SLC7A7: variants seen among roughly 807,000 people sequenced by gnomAD.
SLC7A7 encodes the protein Y+L amino acid transporter 1.
In SLC7A7, 39 loss-of-function variants were observed where a neutral mutation model predicts 47.9. That is an observed-to-expected ratio of 0.81 (90% CI 0.63 to 1.06). The LOEUF (loss-of-function observed/expected upper bound fraction) is 1.06. SLC7A7 is among the 50% of genes least tolerant of loss of function. The pLI, the probability that SLC7A7 is intolerant of heterozygous loss-of-function variation, is 0.00. For synonymous variants in SLC7A7, 234 were observed against 242.8 expected (o/e 0.96, Z 0.34); for missense variants, 588 against 632.0 (o/e 0.93, Z 0.75).
At chr14:22,809,188 T>TTTGTC (rs1197832348) in intron 2 of SLC7A7, among the ~76,000 whole-genome samples, 1 of 152,170 alleles carries the variant, frequency 6.6e-6, no homozygotes, top group Non-Finnish European at 1.5e-5. Flanking sequence ...TTTGTTTTGT[T>TTTGTC]TTGTCTTTTG....
At chr14:22,797,449 C>A (rs2039038599) in intron 2 of SLC7A7, among the ~76,000 whole-genome samples, 1 of 152,188 alleles carries the variant, frequency 6.6e-6, no homozygotes, top group Admixed American at 6.6e-5. Context: ...ATTGAGTACC[C>A]ACTGTGTTCC....
At chr14:22,812,639 TAAAAAAAA>T (rs10566770) in intron 2 of SLC7A7, among the ~76,000 whole-genome samples, 1 of 139,126 alleles carries the variant, frequency 7.2e-6, no homozygotes, top group East Asian at 2.0e-4. Flanking sequence ...CCTGTCTCTT[TAAAAAAAA>T]AAAAAAAAAA....
At chr14:22,811,677 C>T (rs1445684814) in intron 2 of SLC7A7, among the ~76,000 whole-genome samples, 1 of 151,928 alleles carries the variant, frequency 6.6e-6, no homozygotes, top group Non-Finnish European at 1.5e-5. Context: ...CAGTGAAACC[C>T]CGTCTCCACC....
intron 2 of SLC7A7, among the ~76,000 whole-genome samples, chr14:22,801,851 C>G (rs1048752204): frequency 2.6e-5 from 4 of 152,340 alleles, no homozygotes; most frequent in African/African-American, 7.2e-5. Context: ...CATGCGGTCA[C>G]ACACACCCAC....
intron 7 of SLC7A7, 98 bp from the exon 8 acceptor site, chr14:22,774,601 C>T: frequency 6.7e-7 from 1 of 1,499,882 alleles, no homozygotes; most frequent in Non-Finnish European, 9.2e-7. Flanking sequence ...CCTGTCAATC[C>T]TCAAAGTCTC....
chr14:22,775,491 T>C lies in SLC7A7; in HGVS notation c.1048A>G (p.Met350Val). ...REGHLPDAICMIHVERFTPVP... is the reference protein window; with the variant it reads ...REGHLPDAICVIHVERFTPVP... ...GGTGTGAACCGCTCAACATGGATCA[T>C]GCAGATGGCATCAGGGAGATGGCCT... Residue 350 changes from methionine (M) to valine (V), a missense_variant, in exon 7 of 10, where the codon ATG becomes GTG. Met to Val is a conservative substitution (Grantham distance 21). Coordinates refer to ENST00000674313, the MANE Select transcript of SLC7A7 (RefSeq NM_003982.4). 10 of 1,614,208 alleles carry C rather than the reference T, an allele frequency of 6.2e-6. No individual in the cohort carries two copies. The highest frequency in any genetic ancestry group is 7.6e-6 in the Non-Finnish European group (9 of 1,180,022).
intron 2 of SLC7A7, among the ~76,000 whole-genome samples, chr14:22,797,736 T>C (rs2039043497): frequency 6.6e-6 from 1 of 152,088 alleles, no homozygotes; most frequent in African/African-American, 2.4e-5. Flanking sequence ...CAGCAATGAA[T>C]GAAGTCAACC....
chr14:22,795,388 TTCTTTC>T (rs200947617), intron 2 of SLC7A7, among the ~76,000 whole-genome samples: 1 of 41,058 alleles, frequency 2.4e-5, no homozygotes, highest in African/African-American at 1.1e-4. Context: ...CTTGCTTGCT[TTCTTTC>T]TTTCTTTCTT....
chr14:22,788,703 G>A (rs61974195), intron 2 of SLC7A7, among the ~76,000 whole-genome samples: 2 of 138,438 alleles, frequency 1.4e-5, no homozygotes, highest in Admixed American at 7.1e-5. Context: ...GACTCTGTCT[G>A]GGAAAAAAAA....
At chr14:22,792,029 G>T (rs1213508268) in intron 2 of SLC7A7, among the ~76,000 whole-genome samples, 1 of 151,916 alleles carries the variant, frequency 6.6e-6, no homozygotes, top group Non-Finnish European at 1.5e-5. Flanking sequence ...TACAGACGGG[G>T]TTTCACCATG....
chr14:22,773,993 A>T lies in SLC7A7; in HGVS notation c.1369T>A (p.Tyr457Asn). The change falls in exon 9 of 10, where the codon TAC becomes AAC. Residue 457 changes from tyrosine to asparagine, a missense_variant. By Grantham distance (143) the Tyr-to-Asn change is moderately radical (BLOSUM62 -2). Transcript: ENST00000674313. ...IAIALSGLPF[Y>N]FLIIRVPEHK... ...TCTGGCACTCTGATGATGAGGAAGT[A>T]AAAGGGCAGGCCTGAGAGGGCAATG... is the stretch of plus-strand genomic sequence containing the variant. The T allele has an allele frequency of 6.2e-7, 1 of 1,614,212 alleles. No individual in the cohort carries two copies. Among genetic ancestry groups the T allele is most frequent in the Non-Finnish European group, 8.5e-7 (1 of 1,180,036 alleles).
At chr14:22,780,093 C>A (rs1349758781) in intron 2 of SLC7A7, 42 bp from the exon 3 acceptor site, 2 of 1,612,316 alleles carry the variant, frequency 1.2e-6, no homozygotes, top group Non-Finnish European at 8.5e-7. Flanking sequence ...ACCCTTACCA[C>A]CCTAGGGCCT....
Position 22,775,391 on chromosome 14 carries a change from A to C in SLC7A7, c.1095+53T>G, listed in dbSNP as rs1018799624. ...AGCTAGAACAGTCGCTTCTGCTGTT[A>C]CTAAAGTTTCCCCCGCAATCTGGCT... On this transcript the variant is annotated intron_variant, in intron 7 of 9. Transcript: ENST00000674313. 8 of 1,377,946 alleles carry C rather than the reference A, an allele frequency of 5.8e-6. No homozygotes were observed. In the Admixed American group the frequency reaches 1.2e-4, roughly 20 times the overall value. 85.4% of individuals were successfully genotyped at this position (1,377,946 alleles called of 1,614,324 possible).
At chr14:22,802,120 C>T (rs1441124659) in intron 2 of SLC7A7, among the ~76,000 whole-genome samples, 1 of 151,974 alleles carries the variant, frequency 6.6e-6, no homozygotes, top group African/African-American at 2.4e-5. Context: ...TATTGAGGGC[C>T]GGGCACGGTA....
chr14:22,812,531 G>A (rs2039327223), intron 2 of SLC7A7, among the ~76,000 whole-genome samples: 1 of 151,472 alleles, frequency 6.6e-6, no homozygotes, highest in Non-Finnish European at 1.5e-5. Flanking sequence ...TGCTACTCAG[G>A]AGGCTGAGGC....
intron 2 of SLC7A7, among the ~76,000 whole-genome samples, chr14:22,786,008 C>G (rs1395497833): frequency 1.8e-5 from 2 of 114,256 alleles, no homozygotes; most frequent in African/African-American, 3.4e-5. Flanking sequence ...GGCCACAGAG[C>G]GAGACTCTGT....
In SLC7A7 at chr14:22,795,386, C is replaced by CTTGCTTGCTTGCTT. The variant is rs746407012; in HGVS notation, c.500-15336_500-15335insAAGCAAGCAAGCAA. Among the ~76,000 whole-genome samples the CTTGCTTGCTTGCTT allele has an allele frequency of 9.6e-3, 236 of 24,648 alleles. 29 individuals are homozygous for CTTGCTTGCTTGCTT. Among genetic ancestry groups the CTTGCTTGCTTGCTT allele is most frequent in the Middle Eastern group, 0.03 (2 of 66 alleles). 16.2% of individuals were successfully genotyped at this position (24,648 alleles called of 152,430 possible). On this transcript the variant is annotated intron_variant, in intron 2 of 9. Coordinates refer to ENST00000674313, the MANE Select transcript of SLC7A7 (RefSeq NM_003982.4). Reference sequence around the variant, plus strand: ...GCCCAATCTGAGTATTGCTTGCTTGCTTTCTTTCTTTCTTTCTTTCTTTCT... The same window carrying CTTGCTTGCTTGCTT: ...GCCCAATCTGAGTATTGCTTGCTTGCTTGCTTGCTTGCTTTTTCTTTCTTTCTTTCTTTCTTTCT...
At chr14:22,795,621 CCTG>C (rs1315074561) in intron 2 of SLC7A7, among the ~76,000 whole-genome samples, 1 of 151,900 alleles carries the variant, frequency 6.6e-6, no homozygotes, top group African/African-American at 2.4e-5. Flanking sequence ...ACCACAGGCG[CCTG>C]CCACCACACC....
chr14:22,799,909 A>G (rs1442586345), intron 2 of SLC7A7, among the ~76,000 whole-genome samples: 2 of 152,216 alleles, frequency 1.3e-5, no homozygotes, highest in Non-Finnish European at 1.5e-5. Flanking sequence ...TGATTCCATC[A>G]ATTTCTCCCA....
Sources: gnomAD v4.1 joint callset for allele counts (sites outside exome capture counted in the v4.1 genomes callset) on GRCh38, gnomAD v4.1.1 for gene constraint, MANE v1.5 for transcripts, NCBI Gene and HGNC (gene_info 2026-07-23, HGNC 2026-07-21) for gene names.